The following EML4 variants were observed in gnomAD, a reference collection of about 807,000 sequenced individuals.
The protein encoded by EML4 is echinoderm microtubule-associated protein-like 4.
Under a neutral mutation model 129.0 loss-of-function variants are expected in EML4, and 72 were observed. The observed-to-expected ratio is 0.56, with a 90% CI of 0.46 to 0.68. The LOEUF is 0.68. Among genes scored for constraint, EML4 ranks in the 30% least tolerant of loss-of-function variants. The probability of loss-of-function intolerance (pLI) is 0.00; values close to 1 mark genes in which losing one functional copy is unlikely to be tolerated. For synonymous variants in EML4, 532 were observed against 405.0 expected (o/e 1.31, Z -3.77); for missense variants, 1,363 against 1,190.6 (o/e 1.14, Z -2.13).
intron 17 of EML4, among the ~76,000 whole-genome samples, chr2:42,313,508 A>T (rs1669073433): frequency 1.3e-5 from 2 of 152,096 alleles, no homozygotes; most frequent in African/African-American, 4.8e-5. Flanking sequence ...AGCCACGTTA[A>T]ACCATACCAC....
chr2:42,231,873 C>T (rs770636208), intron 1 of EML4, among the ~76,000 whole-genome samples: 13 of 151,856 alleles, frequency 8.6e-5, no homozygotes, highest in Admixed American at 2.6e-4. Flanking sequence ...GGCGTGAACC[C>T]GGGAGGCAGA....
chr2:42,184,028 C>T (rs77741051), intron 1 of EML4, among the ~76,000 whole-genome samples: 7,080 of 152,112 alleles, frequency 0.047, 562 homozygotes, highest in African/African-American at 0.16. Context: ...GCAATTTGGG[C>T]TATTTGCTGT....
intron 2 of EML4, among the ~76,000 whole-genome samples, chr2:42,253,570 G>C (rs984002612): frequency 6.6e-6 from 1 of 152,118 alleles, no homozygotes; most frequent in African/African-American, 2.4e-5. Context: ...AGAGAGACTC[G>C]AGATAAACTC....
At chr2:42,305,121 A>C (rs1668518744) in intron 17 of EML4, among the ~76,000 whole-genome samples, 1 of 152,134 alleles carries the variant, frequency 6.6e-6, no homozygotes, top group South Asian at 2.1e-4. Context: ...ATCTCAAAAA[A>C]AATAATAAGG....
At chr2:42,327,790 A>G (rs1291569000) in intron 21 of EML4, among the ~76,000 whole-genome samples, 1 of 152,228 alleles carries the variant, frequency 6.6e-6, no homozygotes, top group East Asian at 1.9e-4. Flanking sequence ...AATACTGGAT[A>G]TGGATGTGGC....
At chr2:42,285,672 C>T (rs1667261210) in intron 9 of EML4, among the ~76,000 whole-genome samples, 1 of 150,616 alleles carries the variant, frequency 6.6e-6, no homozygotes, top group Non-Finnish European at 1.5e-5. Flanking sequence ...AATATTGGCT[C>T]ACTGCAACCT....
chr2:42,246,373 T>C (rs1675402950), intron 2 of EML4, among the ~76,000 whole-genome samples: 1 of 152,176 alleles, frequency 6.6e-6, no homozygotes, highest in Non-Finnish European at 1.5e-5. Context: ...TGGTAGAGTA[T>C]ATGGGGATAG....
intron 11 of EML4, chr2:42,289,916 A>T (rs1350059780): frequency 1.0e-5 from 1 of 95,574 alleles, no homozygotes; most frequent in African/African-American, 6.6e-5. Flanking sequence ...AAAAATACAA[A>T]AAAAAAAAAA....
intron 1 of EML4, among the ~76,000 whole-genome samples, chr2:42,220,400 T>TA (rs1673510498): frequency 6.6e-6 from 1 of 152,090 alleles, no homozygotes; most frequent in Non-Finnish European, 1.5e-5. Context: ...TTATATCTCT[T>TA]ACGGTGACCT....
At chr2:42,292,901 GTAGT>G (rs1292750677) in intron 11 of EML4, among the ~76,000 whole-genome samples, 10 of 152,118 alleles carry the variant, frequency 6.6e-5, no homozygotes, top group African/African-American at 2.4e-4. Context: ...GGGAATATTT[GTAGT>G]TAGTTTTACA....
intron 17 of EML4, among the ~76,000 whole-genome samples, chr2:42,308,565 T>G (rs1441173262): frequency 1.3e-5 from 2 of 152,114 alleles, no homozygotes; most frequent in Non-Finnish European, 2.9e-5. Flanking sequence ...GAGATATAAT[T>G]CACATAACCC....
intron 1 of EML4, among the ~76,000 whole-genome samples, chr2:42,194,025 GA>G (rs1671758191): frequency 6.6e-6 from 1 of 152,106 alleles, no homozygotes; most frequent in African/African-American, 2.4e-5. Flanking sequence ...ACTTTATTGT[GA>G]AATAGTTGCA....
At chr2:42,304,621 AATCT>A (rs1668489330) in intron 17 of EML4, 70 bp downstream of exon 17, 1 of 1,149,796 alleles carries the variant, frequency 8.7e-7, no homozygotes, top group African/African-American at 1.5e-5. Flanking sequence ...GAATGTTCTC[AATCT>A]GATCTGGAGA....
intron 17 of EML4, among the ~76,000 whole-genome samples, 180 bp downstream of exon 17, chr2:42,304,731 G>T (rs12464702): frequency 0.22 from 33,643 of 152,122 alleles, 4,530 homozygotes; most frequent in East Asian, 0.55. Flanking sequence ...TGCCTTTTGC[G>T]ACATGCTACA....
At position 42,214,930 on chromosome 2, in the gene EML4, G is replaced by A. The variant is rs545288421; in HGVS notation, c.26-30575G>A. Among the ~76,000 whole-genome samples, 5 of 152,256 alleles carry A rather than the reference G, an allele frequency of 3.3e-5. No homozygotes were observed. In the South Asian group the frequency reaches 8.3e-4, roughly 25 times the overall value. ...TTACACAACTTTTGTTGGTAAAAAA[G>A]CAAGTCACAAGGCCAGCCTAGATTC... On this transcript the variant is annotated intron_variant, in intron 1 of 22. Transcript: ENST00000318522.
intron 1 of EML4, among the ~76,000 whole-genome samples, chr2:42,183,841 G>A (rs1224495622): frequency 6.6e-6 from 1 of 151,886 alleles, no homozygotes; most frequent in Non-Finnish European, 1.5e-5. Flanking sequence ...CTGGATTCAG[G>A]ACCTACATCC....
chr2:42,183,638 C>T (rs1376232635), intron 1 of EML4, among the ~76,000 whole-genome samples: 4 of 151,638 alleles, frequency 2.6e-5, no homozygotes, highest in Non-Finnish European at 5.9e-5. Flanking sequence ...TTCTCAGTTC[C>T]TTTTTTTTAA....
rs771053246 is a variant in EML4, at chr2:42,328,922, A to G, written c.2378A>G (p.Asn793Ser). 4 of 1,613,596 alleles carry G rather than the reference A, an allele frequency of 2.5e-6. No individual in the cohort carries two copies. Among genetic ancestry groups the G allele is most frequent in the Non-Finnish European group, 2.5e-6 (3 of 1,179,752 alleles). The change falls in exon 22 of 23, where the codon AAT (asparagine) becomes AGT (serine). Residue 793 changes from asparagine to serine, a missense_variant. Coordinates refer to ENST00000318522, the MANE Select transcript of EML4 (RefSeq NM_019063.5). ...GAAGGATCTGATGGGACAGATATCAATGCACTGGTGCGATCCCACAATAGA... is the reference window on the plus strand; with the variant it reads ...GAAGGATCTGATGGGACAGATATCAGTGCACTGGTGCGATCCCACAATAGA... ...WPEGSDGTDINALVRSHNRKV... is the reference protein window; with the variant it reads ...WPEGSDGTDISALVRSHNRKV...
intron 1 of EML4, among the ~76,000 whole-genome samples, chr2:42,171,670 G>C (rs140525777): frequency 5.3e-4 from 80 of 152,290 alleles, no homozygotes; most frequent in African/African-American, 1.8e-3. Flanking sequence ...TTTAGATATG[G>C]TGTTAATCAG....
Sources: gnomAD v4.1 joint callset for allele counts (sites outside exome capture counted in the v4.1 genomes callset) on GRCh38, gnomAD v4.1.1 for gene constraint, MANE v1.5 for transcripts, NCBI Gene and HGNC (gene_info 2026-07-23, HGNC 2026-07-21) for gene names.